The following PRIM2 variants were observed in gnomAD, a reference collection of about 807,000 sequenced individuals.
The protein encoded by PRIM2 is DNA primase subunit 2.
A neutral mutation model predicts 67.3 loss-of-function variants in PRIM2; 39 were observed. That is an observed-to-expected ratio of 0.58 (90% CI 0.45 to 0.76). PRIM2 has a LOEUF of 0.76. Among genes scored for constraint, PRIM2 ranks in the 30% least tolerant of loss-of-function variants. The pLI is 0.00. For synonymous variants in PRIM2, 143 were observed against 198.7 expected (o/e 0.72, Z 2.36); for missense variants, 398 against 598.7 (o/e 0.66, Z 3.50).
At chr6:57,348,937 G>A (rs529182625) in intron 5 of PRIM2, among the ~76,000 whole-genome samples, 7 of 152,048 alleles carry the variant, frequency 4.6e-5, no homozygotes, top group South Asian at 2.1e-4. Flanking sequence ...AGTAGAGACG[G>A]GTTTTCACCA....
At chr6:57,389,098 ATTTTTATTTTTAT>A (rs1331388080) in intron 7 of PRIM2, among the ~76,000 whole-genome samples, 1 of 151,910 alleles carries the variant, frequency 6.6e-6, no homozygotes, top group Non-Finnish European at 1.5e-5. Flanking sequence ...GTGACTATTT[ATTTTTATTTTTAT>A]TTTTTATTTT....
chr6:57,560,268 C>T (rs1468857900), intron 10 of PRIM2, among the ~76,000 whole-genome samples: 24 of 151,128 alleles, frequency 1.6e-4, no homozygotes, highest in African/African-American at 5.4e-4. Flanking sequence ...ACTCTTTATC[C>T]ACTAAAAAGT....
At chr6:57,488,162 C>T (rs1773797020) in intron 7 of PRIM2, among the ~76,000 whole-genome samples, 1 of 152,170 alleles carries the variant, frequency 6.6e-6, no homozygotes, top group African/African-American at 2.4e-5. Flanking sequence ...CTGAATTCCC[C>T]TTTCAGTTTT....
the PRIM2 span, among the ~76,000 whole-genome samples, chr6:57,232,555 T>C: frequency 5.3e-5 from 8 of 152,026 alleles, no homozygotes; most frequent in Non-Finnish European, 1.0e-4. Context: ...TCAAAAAAAA[T>C]AAAAATAAAA....
At chr6:57,335,352 A>G (rs1326269886) in intron 5 of PRIM2, among the ~76,000 whole-genome samples, 2 of 152,268 alleles carry the variant, frequency 1.3e-5, no homozygotes, top group African/African-American at 2.4e-5. Flanking sequence ...AACTGGGTGG[A>G]GCCCACCACA....
chr6:57,222,108 C>T, the PRIM2 span: 1 of 152,352 alleles, frequency 6.6e-6, no homozygotes, highest in African/African-American at 2.4e-5. Flanking sequence ...TGTCTCCTCC[C>T]GACGCGCCAG....
intron 7 of PRIM2, among the ~76,000 whole-genome samples, chr6:57,425,613 G>A (rs1483623668): frequency 6.6e-6 from 1 of 152,138 alleles, no homozygotes. Context: ...ACCAAGCATA[G>A]GAAACATTTG....
the PRIM2 span, among the ~76,000 whole-genome samples, chr6:57,263,925 T>C: frequency 6.6e-6 from 1 of 152,200 alleles, no homozygotes. Flanking sequence ...TCCTGACTCA[T>C]GATCAATCCT....
At chr6:57,311,018 C>T (rs879522077), upstream of PRIM2, among the ~76,000 whole-genome samples, 222 of 146,550 alleles carry the variant, frequency 1.5e-3, 1 homozygote, top group Non-Finnish European at 1.3e-3. Flanking sequence ...CTAGTCTAGG[C>T]GGCCGGGCAG....
At chr6:57,297,189 C>T in the PRIM2 span, among the ~76,000 whole-genome samples, 1 of 152,112 alleles carries the variant, frequency 6.6e-6, no homozygotes, top group South Asian at 2.1e-4. Flanking sequence ...CGCCTGTAAT[C>T]CCAGCACTTT....
intron 12 of PRIM2, among the ~76,000 whole-genome samples, chr6:57,625,693 G>A (rs1216346425): frequency 6.6e-6 from 1 of 152,166 alleles, no homozygotes; most frequent in African/African-American, 2.4e-5. Flanking sequence ...AGAGAAAAGG[G>A]TAGATTTTAA....
intron 7 of PRIM2, among the ~76,000 whole-genome samples, chr6:57,402,860 T>G (rs1483138853): frequency 6.6e-6 from 1 of 152,134 alleles, no homozygotes; most frequent in Non-Finnish European, 1.5e-5. Flanking sequence ...AAATACATAT[T>G]AGTAATTTCT....
rs1192295829 is a variant in PRIM2, at chr6:57,556,996, A to G, written c.1020+19371A>G. Among the ~76,000 whole-genome samples, 15 of 140,246 alleles carry G rather than the reference A, an allele frequency of 1.1e-4. No individual in the cohort carries two copies. The South Asian group carries it at 2.2e-3, about 21-fold the overall frequency. 92.0% of individuals were successfully genotyped at this position (140,246 alleles called of 152,430 possible). A position where few individuals can be genotyped will look rare whatever the true frequency, so the allele number is the denominator to read the frequency against. On this transcript the variant is annotated intron_variant, in intron 10 of 13. Coordinates refer to ENST00000615550, the MANE Select transcript of PRIM2 (RefSeq NM_000947.5). Reference sequence around the variant, plus strand: ...ACAGATACTTTTCTAAAGAAGACATACATGTGGCCAACAAGCATAGGAGAA... The same window carrying G: ...ACAGATACTTTTCTAAAGAAGACATGCATGTGGCCAACAAGCATAGGAGAA...
At chr6:57,329,251 C>G (rs892292692) in intron 5 of PRIM2, among the ~76,000 whole-genome samples, 1 of 151,850 alleles carries the variant, frequency 6.6e-6, no homozygotes, top group Non-Finnish European at 1.5e-5. Flanking sequence ...ACAGTTTTTT[C>G]TGTAAGAGTT....
At chr6:57,334,592 T>A (rs911623045) in intron 5 of PRIM2, among the ~76,000 whole-genome samples, 9 of 152,048 alleles carry the variant, frequency 5.9e-5, no homozygotes, top group African/African-American at 2.2e-4. Flanking sequence ...TGAGCCCAGG[T>A]GTTGGAGGCT....
At chr6:57,311,176 C>T (rs548923913), upstream of PRIM2, among the ~76,000 whole-genome samples, 31 of 142,198 alleles carry the variant, frequency 2.2e-4, no homozygotes, top group South Asian at 2.8e-3. Context: ...ACGGGGCGGC[C>T]GGGCAGAGGC....
At chr6:57,473,200 T>G (rs1773378698) in intron 7 of PRIM2, among the ~76,000 whole-genome samples, 1 of 152,236 alleles carries the variant, frequency 6.6e-6, no homozygotes, top group Non-Finnish European at 1.5e-5. Context: ...CTCAGTTGGC[T>G]TTAAATGGGC....
At chr6:57,355,913 A>G (rs1769016104) in intron 5 of PRIM2, among the ~76,000 whole-genome samples, 1 of 152,066 alleles carries the variant, frequency 6.6e-6, no homozygotes, top group Non-Finnish European at 1.5e-5. Flanking sequence ...AAATGTTAGG[A>G]TTGCAGGTAT....
chr6:57,234,041 G>A, the PRIM2 span, among the ~76,000 whole-genome samples: 3 of 152,120 alleles, frequency 2.0e-5, no homozygotes, highest in South Asian at 6.2e-4. Flanking sequence ...TCTGCCAAAT[G>A]CTACATACAT....
Sources: gnomAD v4.1 joint callset for allele counts (sites outside exome capture counted in the v4.1 genomes callset) on GRCh38, gnomAD v4.1.1 for gene constraint, MANE v1.5 for transcripts, NCBI Gene and HGNC (gene_info 2026-07-23, HGNC 2026-07-21) for gene names.